Variants in ANXA8 observed in about 807,000 individuals in gnomAD.
ANXA8 encodes the protein VAC-beta.
A neutral mutation model predicts 26.8 loss-of-function variants in ANXA8; 9 were observed. The ratio of observed to expected loss-of-function variants is 0.34; its 90% CI spans 0.20 to 0.59. The LOEUF (loss-of-function observed/expected upper bound fraction) is 0.59, where lower values mean the gene tolerates loss of function less well. Ranked by LOEUF, ANXA8 falls within the 20% of genes least tolerant of loss-of-function variation. The pLI is 0.84. For missense variants in ANXA8, 83 were observed against 238.5 expected (o/e 0.35, Z 4.29); for synonymous variants, 39 against 94.8 (o/e 0.41, Z 3.42).
chr10:47,689,317 T>C, the ANXA8 span, among the ~76,000 whole-genome samples: 1 of 151,662 alleles, frequency 6.6e-6, no homozygotes, highest in Non-Finnish European at 1.5e-5. Flanking sequence ...TGGCTGGGAC[T>C]ACAGGCATGT....
the ANXA8 span, among the ~76,000 whole-genome samples, chr10:47,653,539 G>A: frequency 1.6e-4 from 25 of 151,708 alleles, 1 homozygote; most frequent in African/African-American, 6.1e-4. Flanking sequence ...GAAAATTAAG[G>A]ACATTTTGGA....
the ANXA8 span, chr10:47,538,621 C>T: frequency 2.2e-5 from 3 of 139,232 alleles, 1 homozygote; most frequent in Non-Finnish European, 3.1e-5. Context: ...GTAGCCTGAA[C>T]TATAGGAATG....
At chr10:47,944,632 G>A in the ANXA8 span, among the ~76,000 whole-genome samples, 4 of 150,584 alleles carry the variant, frequency 2.7e-5, no homozygotes, top group Non-Finnish European at 5.9e-5. Context: ...TAAGTCTCAT[G>A]AGATCTGATG....
chr10:47,756,501 G>A, the ANXA8 span, among the ~76,000 whole-genome samples: 5 of 140,942 alleles, frequency 3.5e-5, no homozygotes, highest in South Asian at 2.4e-4. Context: ...GCCTAGCACC[G>A]CAAGCCTGTC....
upstream of ANXA8, among the ~76,000 whole-genome samples, chr10:47,488,729 T>C (rs1588938623): frequency 8.1e-6 from 1 of 123,306 alleles, no homozygotes; most frequent in African/African-American, 3.3e-5. Flanking sequence ...TTTTTTTTTT[T>C]TTTTTTTTTT....
chr10:47,970,100 A>G, the ANXA8 span: 1 of 151,584 alleles, frequency 6.6e-6, no homozygotes. Flanking sequence ...TGTGCAGTGG[A>G]GAGATCCTGG....
chr10:47,743,405 T>TGTGTGTGAGAGAGA, the ANXA8 span, among the ~76,000 whole-genome samples: 2 of 83,530 alleles, frequency 2.4e-5, no homozygotes, highest in African/African-American at 9.9e-5. Flanking sequence ...TGTGTGTGTG[T>TGTGTGTGAGAGAGA]GAGAGAGAGA....
chr10:47,501,013 C>A, the ANXA8 span, among the ~76,000 whole-genome samples: 2 of 142,602 alleles, frequency 1.4e-5, no homozygotes, highest in Non-Finnish European at 3.0e-5. Context: ...CCTGCCTCAG[C>A]CTCCCGAGTA....
the ANXA8 span, among the ~76,000 whole-genome samples, chr10:47,982,331 A>G: frequency 6.6e-6 from 1 of 151,432 alleles, no homozygotes; most frequent in African/African-American, 2.4e-5. Flanking sequence ...AACCCCAAAG[A>G]AAACCAAACT....
the ANXA8 span, among the ~76,000 whole-genome samples, chr10:47,627,739 A>T: frequency 8.7e-5 from 13 of 150,102 alleles, 3 homozygotes; most frequent in African/African-American, 3.0e-4. Context: ...TATTGAACTA[A>T]TCCTTTTGAA....
chr10:47,693,529 A>G, the ANXA8 span, among the ~76,000 whole-genome samples: 1 of 151,794 alleles, frequency 6.6e-6, no homozygotes, highest in Non-Finnish European at 1.5e-5. Context: ...TCACCTCGTG[A>G]TCCGCCCGCC....
the ANXA8 span, among the ~76,000 whole-genome samples, chr10:47,594,897 C>T: frequency 1.3e-5 from 2 of 149,078 alleles, no homozygotes; most frequent in South Asian, 2.1e-4. Context: ...GACATGCATA[C>T]ACCAGAAATC....
chr10:47,528,383 T>TA, the ANXA8 span, among the ~76,000 whole-genome samples: 661 of 107,262 alleles, frequency 6.2e-3, 57 homozygotes, highest in Non-Finnish European at 7.4e-3. Context: ...CGGCTAGACT[T>TA]AAAAAAAAAA....
At chr10:47,744,144 C>A in the ANXA8 span, among the ~76,000 whole-genome samples, 1 of 148,326 alleles carries the variant, frequency 6.7e-6, no homozygotes, top group African/African-American at 2.5e-5. Context: ...TGCACAGCCT[C>A]CCCGGTGCTG....
At chr10:47,530,497 C>T in the ANXA8 span, among the ~76,000 whole-genome samples, 8 of 140,922 alleles carry the variant, frequency 5.7e-5, no homozygotes, top group East Asian at 4.8e-4. Context: ...AGACCAGCTT[C>T]GCCTACATAG....
At chr10:47,533,225 C>CGCACA in the ANXA8 span, among the ~76,000 whole-genome samples, 2 of 98,552 alleles carry the variant, frequency 2.0e-5, no homozygotes, top group African/African-American at 7.7e-5. Context: ...ACACACACAC[C>CGCACA]CCCGCAGACA....
At chr10:47,664,168 G>A in the ANXA8 span, among the ~76,000 whole-genome samples, 1 of 151,744 alleles carries the variant, frequency 6.6e-6, no homozygotes, top group Non-Finnish European at 1.5e-5. Flanking sequence ...CTGAGGTCAG[G>A]AGTTGGAGAC....
chr10:47,894,625 CCA>C, the ANXA8 span, among the ~76,000 whole-genome samples: 1 of 82,898 alleles, frequency 1.2e-5, no homozygotes, highest in African/African-American at 4.1e-5. Flanking sequence ...ACTACACACA[CCA>C]CACACTACAC....
At chr10:47,650,205 CAA>C in the ANXA8 span, among the ~76,000 whole-genome samples, 615 of 99,822 alleles carry the variant, frequency 6.2e-3, 8 homozygotes, top group African/African-American at 0.019. Context: ...AAGTCTGTCT[CAA>C]AAAAAAAAAA....
Sources: allele counts gnomAD v4.1 joint callset (sites outside exome capture counted in the v4.1 genomes callset), GRCh38; gene constraint gnomAD v4.1.1; transcripts MANE v1.5; gene names NCBI Gene and HGNC (gene_info 2026-07-23, HGNC 2026-07-21).